The following DYNC1I1 variants were observed in gnomAD, a reference collection of about 807,000 sequenced individuals.
DYNC1I1 encodes cytoplasmic dynein 1 intermediate chain 1.
DYNC1I1 carries 43 observed loss-of-function variants against 86.6 expected under a neutral mutation model. The observed-to-expected ratio is 0.50, with a 90% CI of 0.39 to 0.64. The LOEUF (loss-of-function observed/expected upper bound fraction) is 0.64. DYNC1I1 is among the 30% of genes least tolerant of loss of function. The probability of loss-of-function intolerance (pLI) is 0.00; values close to 1 mark genes in which losing one functional copy is unlikely to be tolerated. For missense variants in DYNC1I1, 604 were observed against 788.8 expected, an observed-to-expected ratio of 0.77 and a Z score of 2.81; for synonymous variants, 262 against 283.7, an observed-to-expected ratio of 0.92 and a Z score of 0.77.
intron 10 of DYNC1I1, among the ~76,000 whole-genome samples, chr7:95,997,691 C>T (rs1400263370): frequency 2.1e-5 from 3 of 145,934 alleles, no homozygotes; most frequent in Non-Finnish European, 3.0e-5. Context: ...CTTAATGATC[C>T]AATATATGTC....
intron 6 of DYNC1I1, among the ~76,000 whole-genome samples, chr7:95,913,886 A>G (rs1300185145): frequency 6.6e-6 from 1 of 152,360 alleles, no homozygotes; most frequent in Non-Finnish European, 1.5e-5. Context: ...GGATAAATGA[A>G]GGAGGTAGCC....
intron 6 of DYNC1I1, among the ~76,000 whole-genome samples, chr7:95,933,123 T>A (rs1791946541): frequency 6.6e-6 from 1 of 152,050 alleles, no homozygotes; most frequent in African/African-American, 2.4e-5. Context: ...CCTCAAGCAA[T>A]CCTCCCACCT....
intron 1 of DYNC1I1, among the ~76,000 whole-genome samples, chr7:95,788,712 C>T (rs578082876): frequency 1.3e-5 from 2 of 152,286 alleles, no homozygotes; most frequent in East Asian, 3.9e-4. Context: ...TTGATTACCA[C>T]TAATTATGTG....
At chr7:95,934,120 T>C (rs1791976320) in intron 6 of DYNC1I1, among the ~76,000 whole-genome samples, 1 of 152,118 alleles carries the variant, frequency 6.6e-6, no homozygotes, top group Non-Finnish European at 1.5e-5. Flanking sequence ...TGCTGTTCAA[T>C]TTCTTGGACT....
intron 4 of DYNC1I1, among the ~76,000 whole-genome samples, chr7:95,821,571 A>G (rs1795077192): frequency 6.6e-6 from 1 of 152,204 alleles, no homozygotes; most frequent in African/African-American, 2.4e-5. Context: ...CTATGCCAAG[A>G]AGGAGCCAAT....
rs749647527 is a variant in DYNC1I1, at chr7:95,984,876, C to G, written c.642C>G (p.Leu214=). The part of the protein sequence containing the change: ...KQQILHSEEF[L]IFFDRTIRVI... ...AGATCCTTCATTCAGAGGAATTTCT[C>G]ATCTTTTTTGACCGGACAATACGGG... Residue 214 remains leucine, a synonymous_variant, in exon 8 of 17, where the codon CTC becomes CTG. Transcript: ENST00000447467. 1.1e-5 allele frequency: 17 copies of G among 1,613,362 alleles called. No individual in the cohort carries two copies. The highest frequency in any genetic ancestry group is 3.3e-5 in the Admixed American group (2 of 59,944).
intron 6 of DYNC1I1, among the ~76,000 whole-genome samples, chr7:95,908,731 G>A (rs1205253974): frequency 2.0e-5 from 3 of 152,088 alleles, no homozygotes; most frequent in South Asian, 2.1e-4. Context: ...CCAGCGGTTG[G>A]TTTAGAAAGT....
chr7:96,108,072 A>G (rs1339788239), intron 16 of DYNC1I1, among the ~76,000 whole-genome samples: 2 of 152,036 alleles, frequency 1.3e-5, no homozygotes, highest in East Asian at 3.9e-4. Flanking sequence ...GCCATCTTTC[A>G]CATGATGTAT....
At chr7:95,949,105 A>G (rs1267754875) in intron 6 of DYNC1I1, among the ~76,000 whole-genome samples, 2 of 152,160 alleles carry the variant, frequency 1.3e-5, no homozygotes, top group Non-Finnish European at 2.9e-5. Context: ...GATGATGATG[A>G]AAGTTAGGAA....
chr7:95,799,759 T>A (rs1366885287), intron 1 of DYNC1I1, among the ~76,000 whole-genome samples: 1 of 152,200 alleles, frequency 6.6e-6, no homozygotes, highest in South Asian at 2.1e-4. Context: ...GAACACAGAT[T>A]GGATTTCCTT....
intron 14 of DYNC1I1, among the ~76,000 whole-genome samples, chr7:96,059,668 G>A (rs1253899404): frequency 6.6e-6 from 1 of 152,130 alleles, no homozygotes; most frequent in South Asian, 2.1e-4. Flanking sequence ...TTTGAGCTGG[G>A]TGACTAGGAC....
rs1793800434 is a variant in DYNC1I1, at chr7:95,774,816, A to G, written c.-10+2043A>G. 3.9e-5 allele frequency among the ~76,000 whole-genome samples: 6 copies of G among 152,302 alleles called. No individual in the cohort carries two copies. In the South Asian group the frequency reaches 1.0e-3, roughly 26 times the overall value. On this transcript the variant is annotated intron_variant, in intron 1 of 16. Coordinates refer to ENST00000447467, the MANE Select transcript of DYNC1I1 (RefSeq NM_001135556.2). Reference sequence around the variant, plus strand: ...GACCAGTCTTGTAAAATGCATGCCAAATCTGAAATCTAGGTACCCCTCTTA... The same window carrying G: ...GACCAGTCTTGTAAAATGCATGCCAGATCTGAAATCTAGGTACCCCTCTTA...
At chr7:95,864,988 G>T (rs927705514) in intron 5 of DYNC1I1, among the ~76,000 whole-genome samples, 2 of 152,072 alleles carry the variant, frequency 1.3e-5, no homozygotes, top group Non-Finnish European at 2.9e-5. Context: ...GGGAAAGGGG[G>T]AAGGTGGACA....
intron 6 of DYNC1I1, among the ~76,000 whole-genome samples, chr7:95,917,134 A>C (rs1215384787): frequency 6.6e-6 from 1 of 152,096 alleles, no homozygotes; most frequent in Non-Finnish European, 1.5e-5. Flanking sequence ...TTACACTTTC[A>C]CTTTCCAACC....
intron 16 of DYNC1I1, among the ~76,000 whole-genome samples, chr7:96,104,033 GCTGA>G (rs1388839808): frequency 3.9e-5 from 6 of 152,066 alleles, no homozygotes; most frequent in African/African-American, 1.4e-4. Context: ...GCATATACTC[GCTGA>G]CTAATGATTT....
chr7:95,951,303 C>T (rs1266593167), intron 6 of DYNC1I1, among the ~76,000 whole-genome samples: 2 of 152,112 alleles, frequency 1.3e-5, no homozygotes, highest in Non-Finnish European at 2.9e-5. Flanking sequence ...TCACAAAACC[C>T]TTACAGCCTA....
At chr7:95,807,494 A>G (rs977241480) in intron 2 of DYNC1I1, among the ~76,000 whole-genome samples, 2 of 152,156 alleles carry the variant, frequency 1.3e-5, no homozygotes, top group Non-Finnish European at 2.9e-5. Context: ...CAGGCATAGC[A>G]GGACTCTCTT....
chr7:95,855,679 A>T (rs1789701149), intron 5 of DYNC1I1, among the ~76,000 whole-genome samples: 1 of 152,204 alleles, frequency 6.6e-6, no homozygotes, highest in Admixed American at 6.5e-5. Flanking sequence ...TAGGCTACAA[A>T]CCTGTATGAC....
intron 6 of DYNC1I1, among the ~76,000 whole-genome samples, chr7:95,891,400 G>A (rs151176889): frequency 6.6e-6 from 1 of 152,322 alleles, no homozygotes; most frequent in East Asian, 1.9e-4. Context: ...AAAAGTGATA[G>A]TAAAGTAAGA....
Sources: allele counts gnomAD v4.1 joint callset (sites outside exome capture counted in the v4.1 genomes callset), GRCh38; gene constraint gnomAD v4.1.1; transcripts MANE v1.5; gene names NCBI Gene and HGNC (gene_info 2026-07-23, HGNC 2026-07-21).